Variants in SYN3 observed in about 807,000 individuals in gnomAD.
SYN3 encodes the protein synapsin-3.
Under a neutral mutation model 65.8 loss-of-function variants are expected in SYN3, and 35 were observed. The ratio of observed to expected loss-of-function variants is 0.53; its 90% CI spans 0.41 to 0.70. The LOEUF is 0.70. Ranked by LOEUF, SYN3 falls within the 30% of genes least tolerant of loss-of-function variation. The probability of loss-of-function intolerance (pLI) is 0.00; values close to 1 mark genes in which losing one functional copy is unlikely to be tolerated. For synonymous variants in SYN3, 270 were observed against 292.9 expected (o/e 0.92, Z 0.80); for missense variants, 680 against 749.0 (o/e 0.91, Z 1.08).
chr22:32,591,479 T>C (rs1258735039), intron 7 of SYN3, among the ~76,000 whole-genome samples: 1 of 152,198 alleles, frequency 6.6e-6, no homozygotes, highest in Non-Finnish European at 1.5e-5. Flanking sequence ...TATGACCAAA[T>C]TTATGACTCT....
chr22:32,735,437 A>G (rs968777874), intron 6 of SYN3, among the ~76,000 whole-genome samples: 1 of 152,216 alleles, frequency 6.6e-6, no homozygotes, highest in African/African-American at 2.4e-5. Context: ...CAAGCCCACA[A>G]TGTTGCGGTG....
At chr22:32,763,419 G>A (rs1288421612) in intron 6 of SYN3, among the ~76,000 whole-genome samples, 1 of 152,182 alleles carries the variant, frequency 6.6e-6, no homozygotes, top group Non-Finnish European at 1.5e-5. Flanking sequence ...CCAAAGTGCT[G>A]GGATTACAGG....
Position 32,784,352 on chromosome 22 carries a change from T to C in SYN3, c.711+80563A>G, listed in dbSNP as rs117588594. Among the ~76,000 whole-genome samples, 28 of 152,360 alleles carry C rather than the reference T, an allele frequency of 1.8e-4. No homozygotes were observed. The East Asian group carries it at 5.4e-3, about 29-fold the overall frequency. On this transcript the variant is annotated intron_variant, in intron 6 of 13. Coordinates refer to ENST00000358763, the MANE Select transcript of SYN3 (RefSeq NM_003490.4). ...CATCTTGGGAGGAGGCACTTTTTCC[T>C]GCTGGCTTTGAAGAAGCAGGTTGCC...
intron 6 of SYN3, chr22:32,802,120 T>G: frequency 6.3e-7 from 1 of 1,581,792 alleles, no homozygotes; most frequent in Non-Finnish European, 8.5e-7. Flanking sequence ...AACTCCGACA[T>G]CGGTAAGCGC....
intron 6 of SYN3, among the ~76,000 whole-genome samples, chr22:32,723,474 A>G (rs1445052305): frequency 6.6e-6 from 1 of 152,168 alleles, no homozygotes; most frequent in Non-Finnish European, 1.5e-5. Flanking sequence ...CTCATGTAAG[A>G]TATGGAGAAA....
At chr22:32,525,609 C>A (rs559119398) in intron 12 of SYN3, among the ~76,000 whole-genome samples, 37 of 151,356 alleles carry the variant, frequency 2.4e-4, no homozygotes, top group South Asian at 1.3e-3. Context: ...ACTCGGGAGG[C>A]TGAGGCAGGA....
rs777147633 is a variant in SYN3, at chr22:32,528,923, C to G, written c.1181G>C (p.Ser394Thr). The G allele has an allele frequency of 6.2e-6, 10 of 1,614,034 alleles. No individual in the cohort carries two copies. The Admixed American group carries it at 1.7e-4, about 27-fold the overall frequency. ...TGTGCCTCCTGGCATCGGGAGCTGG[C>G]TCATTTTGGAGACAACAAGGTCGGC... ...LMADLVVSKM[S>T]QLPMPGGTAP... Residue 394 changes from serine to threonine, a missense_variant, in exon 11 of 14, where the codon AGC (serine) becomes ACC (threonine). Coordinates refer to ENST00000358763, the MANE Select transcript of SYN3 (RefSeq NM_003490.4).
intron 6 of SYN3, among the ~76,000 whole-genome samples, chr22:32,668,214 T>G (rs2740988): frequency 5.3e-5 from 8 of 152,056 alleles, no homozygotes; most frequent in Non-Finnish European, 1.2e-4. Flanking sequence ...AAAGTATACA[T>G]GAAGAGTGTA....
intron 4 of SYN3, 198 bp downstream of exon 4, chr22:32,931,192 G>A (rs1229901338): frequency 9.8e-6 from 5 of 509,352 alleles, no homozygotes; most frequent in African/African-American, 5.8e-5. Context: ...GGCTCACTTG[G>A]GGACACCACA....
chr22:32,783,179 T>TTA (rs2046114318), intron 6 of SYN3: 1 of 152,262 alleles, frequency 6.6e-6, no homozygotes, highest in Non-Finnish European at 1.5e-5. Flanking sequence ...TGATGCAGGT[T>TTA]TATATTGCCT....
chr22:32,610,876 C>G (rs1010232459), intron 6 of SYN3, among the ~76,000 whole-genome samples: 5 of 152,200 alleles, frequency 3.3e-5, no homozygotes, highest in Non-Finnish European at 7.3e-5. Context: ...GCCACTGCGT[C>G]CAGCCACTTT....
At chr22:32,892,419 A>G (rs1381298173) in intron 4 of SYN3, among the ~76,000 whole-genome samples, 1 of 152,212 alleles carries the variant, frequency 6.6e-6, no homozygotes, top group Admixed American at 6.5e-5. Flanking sequence ...GGTTAATGGG[A>G]TAGACGTGAT....
At chr22:32,738,954 TA>T (rs2061367423) in intron 6 of SYN3, among the ~76,000 whole-genome samples, 1 of 152,260 alleles carries the variant, frequency 6.6e-6, no homozygotes, top group Non-Finnish European at 1.5e-5. Context: ...TATTCCAGCC[TA>T]ACTTTTCTTA....
At chr22:32,640,448 G>A (rs1195922014) in intron 6 of SYN3, among the ~76,000 whole-genome samples, 1 of 152,164 alleles carries the variant, frequency 6.6e-6, no homozygotes, top group Non-Finnish European at 1.5e-5. Context: ...CTAGGCCAGC[G>A]GTTTTTAAAC....
At chr22:32,954,990 T>C (rs2051407734) in intron 3 of SYN3, among the ~76,000 whole-genome samples, 1 of 151,290 alleles carries the variant, frequency 6.6e-6, no homozygotes, top group East Asian at 1.9e-4. Context: ...TTTCTCAGGA[T>C]TGTAGGAAGG....
At chr22:32,938,963 A>C (rs1238593903) in intron 3 of SYN3, among the ~76,000 whole-genome samples, 1 of 151,734 alleles carries the variant, frequency 6.6e-6, no homozygotes, top group Non-Finnish European at 1.5e-5. Flanking sequence ...CACAATAAAG[A>C]CTTTTCCAGA....
chr22:32,564,934 TTG>T (rs2058645667), intron 7 of SYN3, among the ~76,000 whole-genome samples: 1 of 55,794 alleles, frequency 1.8e-5, no homozygotes, highest in Non-Finnish European at 3.6e-5. Flanking sequence ...TGCTCCCGGA[TTG>T]TACCCAAACA....
At chr22:32,935,543 C>T (rs947684267) in intron 3 of SYN3, among the ~76,000 whole-genome samples, 1 of 151,484 alleles carries the variant, frequency 6.6e-6, no homozygotes, top group Non-Finnish European at 1.5e-5. Context: ...CTCCACCTCC[C>T]AGGTTCAAGC....
intron 6 of SYN3, among the ~76,000 whole-genome samples, chr22:32,847,394 C>T (rs894516503): frequency 3.6e-4 from 55 of 152,298 alleles, no homozygotes; most frequent in African/African-American, 1.2e-3. Context: ...AACAACCACT[C>T]GCCTCCTCCT....
Sources: gnomAD v4.1 joint callset for allele counts (sites outside exome capture counted in the v4.1 genomes callset) on GRCh38, gnomAD v4.1.1 for gene constraint, MANE v1.5 for transcripts, NCBI Gene and HGNC (gene_info 2026-07-23, HGNC 2026-07-21) for gene names.